The following MACROD2 variants were observed in gnomAD, a reference collection of about 807,000 sequenced individuals.
MACROD2 encodes the protein ADP-ribose glycohydrolase MACROD2.
Under a neutral mutation model 70.4 loss-of-function variants are expected in MACROD2, and 36 were observed. The ratio of observed to expected loss-of-function variants is 0.51; its 90% CI spans 0.39 to 0.68. MACROD2 has a LOEUF of 0.68. Ranked by LOEUF, MACROD2 falls within the 30% of genes least tolerant of loss-of-function variation. The pLI is 0.00. For synonymous variants in MACROD2, 172 were observed against 178.8 expected, an observed-to-expected ratio of 0.96 and a Z score of 0.30; for missense variants, 496 against 538.4, an observed-to-expected ratio of 0.92 and a Z score of 0.78.
Position 16,051,324 on chromosome 20 carries a change from C to G in MACROD2, c.*1448C>G, listed in dbSNP as rs951245181. 1.3e-5 allele frequency: 2 copies of G among 152,158 alleles called. No homozygotes were observed. The highest frequency in any genetic ancestry group is 4.8e-5 in the African/African-American group (2 of 41,434). The allele number at this position is 152,158 out of a possible 1,614,324, so 9.4% of individuals were successfully genotyped here. ...AAAGGATGTTCTGCTTTCTAAATAT[C>G]CCATCAAAATCTTCAGTTTTGCACT... is the stretch of plus-strand genomic sequence containing the variant. On this transcript the variant is annotated 3_prime_UTR_variant, in exon 18 of 18. Coordinates refer to ENST00000684519, the MANE Select transcript of MACROD2 (RefSeq NM_001351661.2).
At position 14,694,657 on chromosome 20, in the gene MACROD2, T is replaced by A. The variant is rs138314422; in HGVS notation, c.418+9698T>A. 8.6e-3 allele frequency among the ~76,000 whole-genome samples: 1,305 copies of A among 152,258 alleles called. 21 individuals carry two copies. The highest frequency in any genetic ancestry group is 0.029 in the African/African-American group (1,224 of 41,536). On this transcript the variant is annotated intron_variant, in intron 5 of 17. Coordinates refer to ENST00000684519, the MANE Select transcript of MACROD2 (RefSeq NM_001351661.2). Reference sequence around the variant, plus strand: ...AAATTAATTATGGTCCCATGAGCTTTGCCAATAAACTTTATGACAATAATC... The same window carrying A: ...AAATTAATTATGGTCCCATGAGCTTAGCCAATAAACTTTATGACAATAATC...
chr20:15,455,861 T>G (rs1159495051), intron 7 of MACROD2, among the ~76,000 whole-genome samples: 1 of 152,118 alleles, frequency 6.6e-6, no homozygotes, highest in African/African-American at 2.4e-5. Flanking sequence ...AGATGGGAAT[T>G]GATTGACATT....
intron 10 of MACROD2, among the ~76,000 whole-genome samples, chr20:15,906,373 A>G (rs2065146944): frequency 6.6e-6 from 1 of 152,238 alleles, no homozygotes; most frequent in Admixed American, 6.5e-5. Context: ...ATTTGCAAGT[A>G]CAGTAAAAAT....
At chr20:14,809,244 A>G (rs1242089042) in intron 5 of MACROD2, among the ~76,000 whole-genome samples, 2 of 152,156 alleles carry the variant, frequency 1.3e-5, no homozygotes, top group African/African-American at 2.4e-5. Flanking sequence ...TTCTCAGACC[A>G]CAGTGCAATC....
At chr20:14,423,047 G>T (rs1002115137) in intron 3 of MACROD2, among the ~76,000 whole-genome samples, 1 of 152,162 alleles carries the variant, frequency 6.6e-6, no homozygotes, top group Non-Finnish European at 1.5e-5. Context: ...CCTTGCTTCA[G>T]TCCTTCTTGT....
intron 3 of MACROD2, among the ~76,000 whole-genome samples, chr20:14,190,510 TCAAATTTGTCTCCTTTTGGTAAGGAGA>T (rs2081375796): frequency 6.6e-6 from 1 of 151,014 alleles, no homozygotes; most frequent in Non-Finnish European, 1.5e-5. Context: ...CATTTTCTCT[TCAAATTTGTCTCCTTTTGGTAAGGAGA>T]CAAATTTGAA....
At chr20:15,435,617 T>G (rs1408441963) in intron 7 of MACROD2, among the ~76,000 whole-genome samples, 1 of 152,170 alleles carries the variant, frequency 6.6e-6, no homozygotes, top group Non-Finnish European at 1.5e-5. Context: ...CCATTGTGGT[T>G]TAAATTTGCA....
At chr20:15,967,143 T>C (rs1164614079) in intron 12 of MACROD2, among the ~76,000 whole-genome samples, 1 of 152,164 alleles carries the variant, frequency 6.6e-6, no homozygotes, top group Admixed American at 6.5e-5. Context: ...TATCTGACTT[T>C]TTCAAGGACT....
At chr20:14,983,731 T>A (rs1256818736) in intron 5 of MACROD2, among the ~76,000 whole-genome samples, 1 of 152,196 alleles carries the variant, frequency 6.6e-6, no homozygotes, top group African/African-American at 2.4e-5. Flanking sequence ...GGTATGTCTT[T>A]ATCAAGTGTT....
intron 5 of MACROD2, among the ~76,000 whole-genome samples, chr20:15,083,644 A>G (rs1215525715): frequency 2.0e-5 from 3 of 152,032 alleles, no homozygotes; most frequent in Non-Finnish European, 4.4e-5. Context: ...GCTGGCATGT[A>G]AAATGTAATG....
At chr20:14,360,582 A>G (rs138032568) in intron 3 of MACROD2, among the ~76,000 whole-genome samples, 1 of 152,320 alleles carries the variant, frequency 6.6e-6, no homozygotes, top group East Asian at 1.9e-4. Context: ...GAGTCACTTC[A>G]TCTCTCCTGA....
At chr20:15,656,385 A>T (rs1280135441) in intron 8 of MACROD2, among the ~76,000 whole-genome samples, 6 of 152,218 alleles carry the variant, frequency 3.9e-5, no homozygotes, top group Non-Finnish European at 7.3e-5. Flanking sequence ...AATGTGTGAG[A>T]ACAATAATAG....
intron 3 of MACROD2, among the ~76,000 whole-genome samples, chr20:14,266,884 TTGAAA>T (rs2082148996): frequency 6.6e-6 from 1 of 152,170 alleles, no homozygotes; most frequent in Admixed American, 6.5e-5. Flanking sequence ...CCTGTTGGAA[TTGAAA>T]TGGTGTTTCT....
intron 5 of MACROD2, among the ~76,000 whole-genome samples, chr20:14,811,349 A>G (rs951775480): frequency 2.6e-5 from 4 of 152,166 alleles, no homozygotes; most frequent in African/African-American, 9.7e-5. Flanking sequence ...AGGATTCCCT[A>G]TTTAATAAAT....
At chr20:14,934,556 G>T (rs2074324020) in intron 5 of MACROD2, among the ~76,000 whole-genome samples, 1 of 152,184 alleles carries the variant, frequency 6.6e-6, no homozygotes, top group Non-Finnish European at 1.5e-5. Flanking sequence ...GGAGGCTGAG[G>T]CGGGTCGATC....
At chr20:15,795,438 C>T (rs6135525) in intron 8 of MACROD2, among the ~76,000 whole-genome samples, 64,395 of 151,600 alleles carry the variant, frequency 0.42, 13,930 homozygotes, top group African/African-American at 0.51. Flanking sequence ...TTTGAGAATG[C>T]GTCACACTCA....
intron 4 of MACROD2, among the ~76,000 whole-genome samples, chr20:14,623,418 A>G (rs1983948066): frequency 6.6e-6 from 1 of 152,190 alleles, no homozygotes; most frequent in Non-Finnish European, 1.5e-5. Context: ...TCACTTGCTA[A>G]TGATAGAGAA....
intron 5 of MACROD2, among the ~76,000 whole-genome samples, chr20:15,120,961 G>A (rs2076025795): frequency 6.6e-6 from 1 of 152,152 alleles, no homozygotes; most frequent in African/African-American, 2.4e-5. Flanking sequence ...CAGAAGCGCT[G>A]TCGGAAAGCC....
At chr20:14,529,012 G>C (rs536554808) in intron 4 of MACROD2, among the ~76,000 whole-genome samples, 2 of 152,246 alleles carry the variant, frequency 1.3e-5, no homozygotes, top group East Asian at 3.9e-4. Context: ...GTCCAGAGGT[G>C]GGTAAACCTT....
Sources: allele counts gnomAD v4.1 joint callset (sites outside exome capture counted in the v4.1 genomes callset), GRCh38; gene constraint gnomAD v4.1.1; transcripts MANE v1.5; gene names NCBI Gene and HGNC (gene_info 2026-07-23, HGNC 2026-07-21).